Variants in SCHIP1 observed in about 807,000 individuals in gnomAD.
The protein encoded by SCHIP1 is schwannomin interacting protein 1, also known as schwannomin-interacting protein 1.
A neutral mutation model predicts 29.7 loss-of-function variants in SCHIP1; 8 were observed. That is an observed-to-expected ratio of 0.27 (90% CI 0.16 to 0.49). The LOEUF is 0.49. Ranked by LOEUF, SCHIP1 falls within the 20% of genes least tolerant of loss-of-function variation. The probability of loss-of-function intolerance (pLI) is 0.99; values close to 1 mark genes in which losing one functional copy is unlikely to be tolerated. For missense variants in SCHIP1, 193 were observed against 294.6 expected (o/e 0.66, Z 2.52); for synonymous variants, 76 against 94.9 (o/e 0.80, Z 1.16).
the SCHIP1 span, among the ~76,000 whole-genome samples, chr3:159,428,124 C>T: frequency 6.6e-6 from 1 of 151,488 alleles, no homozygotes; most frequent in Admixed American, 6.6e-5. Context: ...CCATTCAGGA[C>T]ATAGGCATGG....
chr3:159,338,482 A>T, the SCHIP1 span, among the ~76,000 whole-genome samples: 1 of 152,230 alleles, frequency 6.6e-6, no homozygotes, highest in African/African-American at 2.4e-5. Flanking sequence ...GGTTATGACT[A>T]TATTGTGTAG....
chr3:159,331,740 C>T, the SCHIP1 span, among the ~76,000 whole-genome samples: 5 of 152,176 alleles, frequency 3.3e-5, no homozygotes, highest in African/African-American at 9.7e-5. Flanking sequence ...CTGTATTAGC[C>T]TCTTGACTTT....
At chr3:159,290,344 T>C in the SCHIP1 span, among the ~76,000 whole-genome samples, 330 of 152,280 alleles carry the variant, frequency 2.2e-3, 1 homozygote, top group African/African-American at 7.7e-3. Flanking sequence ...TGTATGTTTT[T>C]GTTTGCCAAA....
chr3:159,584,632 C>T, the SCHIP1 span, among the ~76,000 whole-genome samples: 7 of 152,072 alleles, frequency 4.6e-5, no homozygotes, highest in East Asian at 1.9e-4. Context: ...TCAAAACATA[C>T]GTATCATTGT....
At chr3:159,778,487 A>G in the SCHIP1 span, among the ~76,000 whole-genome samples, 95 of 152,272 alleles carry the variant, frequency 6.2e-4, no homozygotes, top group Middle Eastern at 6.8e-3. Flanking sequence ...TTTACCCAAT[A>G]CTATCACCTA....
chr3:159,681,113 T>A, the SCHIP1 span, among the ~76,000 whole-genome samples: 1 of 152,030 alleles, frequency 6.6e-6, no homozygotes, highest in African/African-American at 2.4e-5. Flanking sequence ...ATGCCACACA[T>A]GGTCTTGGTA....
intron 2 of SCHIP1, among the ~76,000 whole-genome samples, chr3:159,874,583 A>G (rs1715592287): frequency 1.3e-5 from 2 of 152,228 alleles, no homozygotes; most frequent in Admixed American, 6.5e-5. Flanking sequence ...AATAGGATTC[A>G]CAGGGACTTT....
At chr3:159,762,482 A>C in the SCHIP1 span, among the ~76,000 whole-genome samples, 274 of 152,316 alleles carry the variant, frequency 1.8e-3, 1 homozygote, top group South Asian at 8.5e-3. Flanking sequence ...CTCTTCTTCC[A>C]TCTGGACTGT....
At chr3:159,728,544 G>A in the SCHIP1 span, among the ~76,000 whole-genome samples, 6 of 152,170 alleles carry the variant, frequency 3.9e-5, no homozygotes, top group African/African-American at 7.2e-5. Flanking sequence ...TGAGATAAAG[G>A]GAAGAATCTG....
At chr3:159,304,018 C>T in the SCHIP1 span, among the ~76,000 whole-genome samples, 1 of 147,976 alleles carries the variant, frequency 6.8e-6, no homozygotes, top group Non-Finnish European at 1.5e-5. Flanking sequence ...CCCCCTCCCC[C>T]AACCCCACAG....
At chr3:159,600,116 C>A in the SCHIP1 span, among the ~76,000 whole-genome samples, 2 of 152,096 alleles carry the variant, frequency 1.3e-5, no homozygotes, top group Non-Finnish European at 2.9e-5. Context: ...GGTGACTAGG[C>A]ACCTTTTTCA....
the SCHIP1 span, among the ~76,000 whole-genome samples, chr3:159,435,328 A>G: frequency 5.2e-3 from 787 of 152,244 alleles, 4 homozygotes; most frequent in Non-Finnish European, 8.0e-3. Context: ...TGTTATTATT[A>G]TTACCTCTTT....
chr3:159,497,667 A>T, the SCHIP1 span, among the ~76,000 whole-genome samples: 3 of 151,732 alleles, frequency 2.0e-5, no homozygotes, highest in African/African-American at 7.3e-5. Flanking sequence ...AGGAAGGGTG[A>T]GAGGGAGGGA....
chr3:159,436,835 G>A, the SCHIP1 span, among the ~76,000 whole-genome samples: 1 of 152,054 alleles, frequency 6.6e-6, no homozygotes, highest in Non-Finnish European at 1.5e-5. Context: ...CTCCTGGTCT[G>A]TGAATATGGT....
chr3:159,468,075 A>AT, the SCHIP1 span, among the ~76,000 whole-genome samples: 1 of 152,048 alleles, frequency 6.6e-6, no homozygotes. Flanking sequence ...ATTTTGGAAA[A>AT]TTTGGTTTAT....
At chr3:159,756,858 T>C in the SCHIP1 span, among the ~76,000 whole-genome samples, 73 of 152,318 alleles carry the variant, frequency 4.8e-4, 1 homozygote, top group African/African-American at 1.7e-3. Flanking sequence ...CCACCAGTCT[T>C]TTTGCTAAAA....
the SCHIP1 span, among the ~76,000 whole-genome samples, chr3:159,449,303 G>C: frequency 4.6e-4 from 70 of 152,036 alleles, no homozygotes; most frequent in Non-Finnish European, 6.3e-4. Flanking sequence ...CCATTTGCAA[G>C]GCAGCAAAAT....
At chr3:159,490,964 A>G in the SCHIP1 span, among the ~76,000 whole-genome samples, 1 of 152,180 alleles carries the variant, frequency 6.6e-6, no homozygotes, top group Non-Finnish European at 1.5e-5. Flanking sequence ...TCACCTTTAA[A>G]GGGTCATTCA....
chr3:159,369,417 AGT>A, the SCHIP1 span, among the ~76,000 whole-genome samples: 1 of 152,134 alleles, frequency 6.6e-6, no homozygotes, highest in African/African-American at 2.4e-5. Context: ...CAGCTGTATA[AGT>A]GAGTATTCTT....
Sources: gnomAD v4.1 joint callset for allele counts (sites outside exome capture counted in the v4.1 genomes callset) on GRCh38, gnomAD v4.1.1 for gene constraint, MANE v1.5 for transcripts, NCBI Gene and HGNC (gene_info 2026-07-23, HGNC 2026-07-21) for gene names.